SGK3: variants seen among roughly 807,000 people sequenced by gnomAD.
SGK3 encodes the protein serine/threonine-protein kinase Sgk3.
SGK3 carries 47 observed loss-of-function variants against 68.5 expected under a neutral mutation model. That is an observed-to-expected ratio of 0.69 (90% CI 0.54 to 0.87). The LOEUF (loss-of-function observed/expected upper bound fraction) is 0.87. SGK3 is among the 40% of genes least tolerant of loss of function. The pLI is 0.00. For missense variants in SGK3, 479 were observed against 575.5 expected, an observed-to-expected ratio of 0.83 and a Z score of 1.72; for synonymous variants, 181 against 189.1, an observed-to-expected ratio of 0.96 and a Z score of 0.35.
intron 4 of SGK3, among the ~76,000 whole-genome samples, chr8:66,812,123 C>T (rs1808403429): frequency 6.6e-6 from 1 of 152,136 alleles, no homozygotes; most frequent in African/African-American, 2.4e-5. Flanking sequence ...AAACACTATA[C>T]ATTATACCTT....
intron 1 of SGK3, among the ~76,000 whole-genome samples, chr8:66,743,534 T>C (rs1805541686): frequency 6.6e-6 from 1 of 152,234 alleles, no homozygotes; most frequent in South Asian, 2.1e-4. Flanking sequence ...TAATGTTATT[T>C]TTGTTTTTGT....
chr8:66,762,556 T>C (rs1223927009), intron 1 of SGK3, among the ~76,000 whole-genome samples: 6 of 152,082 alleles, frequency 3.9e-5, no homozygotes, highest in Non-Finnish European at 1.5e-5. Context: ...ATCATCACAC[T>C]TAAAAAAAAC....
chr8:66,788,051 A>G (rs1049424039), intron 1 of SGK3, among the ~76,000 whole-genome samples: 1 of 152,200 alleles, frequency 6.6e-6, no homozygotes, highest in Admixed American at 6.5e-5. Flanking sequence ...CACACTGTGC[A>G]TGTCCATCCA....
intron 1 of SGK3, among the ~76,000 whole-genome samples, chr8:66,720,249 A>T (rs886787860): frequency 6.6e-6 from 1 of 152,266 alleles, no homozygotes; most frequent in Non-Finnish European, 1.5e-5. Context: ...AAATGATAGG[A>T]TGTTCACATG....
At chr8:66,779,561 AATATATATATATAT>A (rs200618083) in intron 1 of SGK3, among the ~76,000 whole-genome samples, 3,954 of 89,374 alleles carry the variant, frequency 0.044, 81 homozygotes, top group Admixed American at 0.061. Flanking sequence ...TATGTGTGTG[AATATATATATATAT>A]ATATATATAT....
chr8:66,727,463 G>A (rs1805018250), intron 1 of SGK3, among the ~76,000 whole-genome samples: 2 of 152,138 alleles, frequency 1.3e-5, no homozygotes, highest in South Asian at 2.1e-4. Context: ...ATGATCCTGG[G>A]CAAAGATGGT....
At chr8:66,760,657 G>A (rs745361657) in intron 1 of SGK3, among the ~76,000 whole-genome samples, 2 of 152,004 alleles carry the variant, frequency 1.3e-5, no homozygotes, top group African/African-American at 2.4e-5. Flanking sequence ...TCAAGAAAGT[G>A]TCTGCCAAAT....
intron 1 of SGK3, among the ~76,000 whole-genome samples, chr8:66,734,233 T>C (rs1052363086): frequency 3.1e-4 from 46 of 148,826 alleles, no homozygotes; most frequent in African/African-American, 7.6e-4. Flanking sequence ...TCTTTCTTTT[T>C]TTTTTTTTTT....
chr8:66,822,249 T>C, intron 5 of SGK3, 123 bp from the exon 6 acceptor site: 1 of 803,338 alleles, frequency 1.2e-6, no homozygotes, highest in Admixed American at 3.2e-5. Flanking sequence ...TATTAATGGA[T>C]TCTGTTTTAC....
intron 1 of SGK3, among the ~76,000 whole-genome samples, chr8:66,728,024 T>C (rs1334328595): frequency 6.6e-6 from 1 of 152,208 alleles, no homozygotes; most frequent in Non-Finnish European, 1.5e-5. Flanking sequence ...CCATTAAAGT[T>C]GCTTTTTAAA....
At chr8:66,762,151 TAG>T (rs1261917060) in intron 1 of SGK3, among the ~76,000 whole-genome samples, 1 of 152,164 alleles carries the variant, frequency 6.6e-6, no homozygotes, top group African/African-American at 2.4e-5. Context: ...GTATTTTTAG[TAG>T]AGACAGGGTT....
At chr8:66,842,110 T>C (rs1450628762) in intron 13 of SGK3, among the ~76,000 whole-genome samples, 1 of 152,204 alleles carries the variant, frequency 6.6e-6, no homozygotes, top group Non-Finnish European at 1.5e-5. Flanking sequence ...ACCCTAGTGC[T>C]TGTATATATT....
chr8:66,768,646 C>A (rs1020101292), intron 1 of SGK3, among the ~76,000 whole-genome samples: 13 of 152,114 alleles, frequency 8.5e-5, no homozygotes, highest in African/African-American at 3.1e-4. Flanking sequence ...CTCACTGCAA[C>A]CTCTGCCCCC....
At chr8:66,767,050 G>A (rs1806341314) in intron 1 of SGK3, among the ~76,000 whole-genome samples, 1 of 152,132 alleles carries the variant, frequency 6.6e-6, no homozygotes, top group African/African-American at 2.4e-5. Context: ...TCTCCATGTT[G>A]GTCAGGCTGG....
At chr8:66,845,024 T>C (rs2130734423) in intron 14 of SGK3, among the ~76,000 whole-genome samples, 1 of 152,356 alleles carries the variant, frequency 6.6e-6, no homozygotes, top group African/African-American at 2.4e-5. Flanking sequence ...AAATATATCA[T>C]TGCACATAAA....
At chr8:66,745,030 A>C (rs554882786) in intron 1 of SGK3, among the ~76,000 whole-genome samples, 1 of 151,176 alleles carries the variant, frequency 6.6e-6, no homozygotes, top group South Asian at 2.1e-4. Flanking sequence ...TTAGTCTTTT[A>C]TTTTTTTAAA....
chr8:66,735,000 C>T (rs1805277355), intron 1 of SGK3, among the ~76,000 whole-genome samples: 1 of 151,122 alleles, frequency 6.6e-6, no homozygotes, highest in Admixed American at 6.6e-5. Context: ...TGAAAGAGAC[C>T]ACATTCACAT....
At chr8:66,722,568 A>G (rs1209200681) in intron 1 of SGK3, among the ~76,000 whole-genome samples, 1 of 152,238 alleles carries the variant, frequency 6.6e-6, no homozygotes, top group African/African-American at 2.4e-5. Context: ...CGCCGTGCCC[A>G]GCCTCTGCAA....
chr8:66,829,194 A>G (rs1300519094), intron 7 of SGK3, among the ~76,000 whole-genome samples: 3 of 152,150 alleles, frequency 2.0e-5, no homozygotes, highest in African/African-American at 7.2e-5. Flanking sequence ...TTGTTTACCG[A>G]GTTTCTCCCC....
Sources: allele counts gnomAD v4.1 joint callset (sites outside exome capture counted in the v4.1 genomes callset), GRCh38; gene constraint gnomAD v4.1.1; transcripts MANE v1.5; gene names NCBI Gene and HGNC (gene_info 2026-07-23, HGNC 2026-07-21).